DYSF: variants seen among roughly 807,000 people sequenced by gnomAD.
DYSF encodes dystrophy-associated fer-1-like 1.
In DYSF, 212 loss-of-function variants were observed where a neutral mutation model predicts 274.9. The observed-to-expected ratio is 0.77, with a 90% confidence interval of 0.69 to 0.86. The LOEUF (loss-of-function observed/expected upper bound fraction) is 0.86, where lower values mean the gene tolerates loss of function less well. DYSF is among the 40% of genes least tolerant of loss of function. The pLI is 0.00. For missense variants in DYSF, 2,666 were observed against 2,783.2 expected (o/e 0.96, Z 0.95); for synonymous variants, 1,091 against 1,078.7 (o/e 1.01, Z -0.22).
intron 30 of DYSF, among the ~76,000 whole-genome samples, chr2:71,576,090 A>G (rs1392327561): frequency 2.6e-5 from 4 of 152,242 alleles, no homozygotes; most frequent in Non-Finnish European, 4.4e-5. Flanking sequence ...ATGACTGACC[A>G]GCTCAGCCTG....
chr2:71,631,531 A>G (rs929596602), intron 41 of DYSF, among the ~76,000 whole-genome samples: 2 of 152,100 alleles, frequency 1.3e-5, no homozygotes, highest in South Asian at 2.1e-4. Flanking sequence ...TGTAATCTGG[A>G]CCTTCCTTTG....
chr2:71,537,234 T>TTTG (rs1227344049), intron 16 of DYSF, among the ~76,000 whole-genome samples: 35 of 143,812 alleles, frequency 2.4e-4, no homozygotes, highest in African/African-American at 8.1e-4. Flanking sequence ...TTTTTTTTTT[T>TTTG]TTTTTTTTTT....
chr2:71,642,889 G>A (rs1345420400), intron 41 of DYSF, among the ~76,000 whole-genome samples: 1 of 152,238 alleles, frequency 6.6e-6, no homozygotes, highest in Non-Finnish European at 1.5e-5. Flanking sequence ...TAGGTGTTCA[G>A]TTCCTGGTGG....
At chr2:71,473,918 A>ATTTTTTTTTTTTTTTTTTTTTTTTTTTT (rs10659171) in intron 1 of DYSF, among the ~76,000 whole-genome samples, 2 of 83,822 alleles carry the variant, frequency 2.4e-5, no homozygotes, top group Non-Finnish European at 2.2e-5. Flanking sequence ...TTTCTGTATG[A>ATTTTTTTTTTTTTTTTTTTTTTTTTTTT]TTTTTTTTTT....
At chr2:71,481,363 C>T (rs955129867) in intron 2 of DYSF, among the ~76,000 whole-genome samples, 6 of 152,216 alleles carry the variant, frequency 3.9e-5, no homozygotes, top group Admixed American at 2.6e-4. Flanking sequence ...ACATGGCTCC[C>T]GGGTGGTCCT....
chr2:71,673,763 C>G (rs2095171299), intron 51 of DYSF, among the ~76,000 whole-genome samples: 1 of 152,142 alleles, frequency 6.6e-6, no homozygotes, highest in Admixed American at 6.5e-5. Flanking sequence ...GTCTCCTCCA[C>G]TGTAAAGATA....
intron 19 of DYSF, among the ~76,000 whole-genome samples, chr2:71,552,806 C>T (rs1192508283): frequency 1.3e-5 from 2 of 152,246 alleles, no homozygotes; most frequent in East Asian, 3.8e-4. Flanking sequence ...CGTGGCCAGA[C>T]ACATGCAGAC....
At chr2:71,604,293 C>T (rs986336692) in intron 36 of DYSF, among the ~76,000 whole-genome samples, 12 of 152,154 alleles carry the variant, frequency 7.9e-5, no homozygotes, top group Non-Finnish European at 1.6e-4. Context: ...GAGTCCTCTT[C>T]GCTTTAAGAA....
chr2:71,589,212 T>G (rs1174652012), intron 30 of DYSF, among the ~76,000 whole-genome samples: 1 of 152,148 alleles, frequency 6.6e-6, no homozygotes, highest in Non-Finnish European at 1.5e-5. Flanking sequence ...GACCCAGAGA[T>G]GCTAGCCTGG....
At chr2:71,606,551 C>T (rs1340836032) in intron 36 of DYSF, among the ~76,000 whole-genome samples, 1 of 152,058 alleles carries the variant, frequency 6.6e-6, no homozygotes, top group African/African-American at 2.4e-5. Context: ...GTGCTGTGCC[C>T]CTCAAGTGGG....
intron 29 of DYSF, among the ~76,000 whole-genome samples, chr2:71,573,177 C>T (rs183483303): frequency 1.4e-4 from 21 of 152,342 alleles, no homozygotes; most frequent in Admixed American, 4.6e-4. Flanking sequence ...GGCAGAGAAC[C>T]TAGAGAGGAC....
upstream of DYSF, among the ~76,000 whole-genome samples, chr2:71,464,701 T>C (rs529119085): frequency 3.9e-4 from 60 of 152,098 alleles, 1 homozygote; most frequent in African/African-American, 1.1e-3. Context: ...CGTAAGGCCT[T>C]TGAGTTTTGC....
At chr2:71,647,015 A>G (rs1046601760) in intron 42 of DYSF, among the ~76,000 whole-genome samples, 26 of 152,194 alleles carry the variant, frequency 1.7e-4, no homozygotes, top group African/African-American at 6.0e-4. Flanking sequence ...ACTCTCAAAT[A>G]TTTATGCATA....
intron 19 of DYSF, 146 bp downstream of exon 19, chr2:71,551,866 T>G (rs1346051629): frequency 3.1e-6 from 2 of 636,014 alleles, no homozygotes; most frequent in Non-Finnish European, 5.6e-6. Context: ...GCCTCAAGTC[T>G]CAGCTGTAAA....
chr2:71,529,596 C>G (rs937858047), intron 14 of DYSF, among the ~76,000 whole-genome samples: 3 of 152,210 alleles, frequency 2.0e-5, no homozygotes, highest in African/African-American at 7.2e-5. Context: ...GGATGATCGC[C>G]TGATCACACA....
rs1558513252 is a variant in DYSF at position 71,574,305 on chromosome 2, G to T, written c.3336G>T (p.Trp1112Cys). The T allele has an allele frequency of 3.7e-6, 6 of 1,614,118 alleles. No homozygotes were observed. Among genetic ancestry groups the T allele is most frequent in the Non-Finnish European group, 5.1e-6 (6 of 1,180,008 alleles). ...RKTDAFRRRR[W>C]RRRMEPLEKT... ...CAGATGCCTTCCGCCGCCGCCGCTG[G>T]CGCCGTCGCATGGAGCCACTGGAGA... Residue 1112 changes from tryptophan (W) to cysteine (C), a missense_variant, in exon 30 of 56, where the codon TGG (tryptophan) becomes TGT (cysteine). Coordinates refer to ENST00000410020, the MANE Select transcript of DYSF (RefSeq NM_001130987.2).
chr2:71,624,668 T>A (rs1344665), intron 41 of DYSF, among the ~76,000 whole-genome samples: 59,952 of 151,954 alleles, frequency 0.39, 13,079 homozygotes, highest in East Asian at 0.49. Flanking sequence ...TTAAAAAAAA[T>A]GACCGACAAT....
chr2:71,602,838 C>T (rs746880457), intron 36 of DYSF, 33 bp downstream of exon 36: 1 of 1,610,892 alleles, frequency 6.2e-7, no homozygotes, highest in Admixed American at 1.7e-5. Flanking sequence ...GATGGGTGGG[C>T]CGAGGTAGAG....
At chr2:71,540,610 T>C (rs1306598700) in intron 17 of DYSF, among the ~76,000 whole-genome samples, 1 of 151,698 alleles carries the variant, frequency 6.6e-6, no homozygotes, top group African/African-American at 2.4e-5. Flanking sequence ...ATTTTCATTT[T>C]ATTGATAGCT....
Sources: allele counts gnomAD v4.1 joint callset (sites outside exome capture counted in the v4.1 genomes callset), GRCh38; gene constraint gnomAD v4.1.1; transcripts MANE v1.5; gene names NCBI Gene and HGNC (gene_info 2026-07-23, HGNC 2026-07-21).